PXYLP1: variants seen among roughly 807,000 people sequenced by gnomAD.
PXYLP1 encodes 2-phosphoxylose phosphatase 1.
Under a neutral mutation model 37.9 loss-of-function variants are expected in PXYLP1, and 17 were observed. That is an observed-to-expected ratio of 0.45 (90% CI 0.31 to 0.67). The LOEUF is 0.67. Among genes scored for constraint, PXYLP1 ranks in the 30% least tolerant of loss-of-function variants. The probability of loss-of-function intolerance (pLI) is 0.07; values close to 1 mark genes in which losing one functional copy is unlikely to be tolerated. For synonymous variants in PXYLP1, 221 were observed against 232.2 expected, an observed-to-expected ratio of 0.95 and a Z score of 0.44; for missense variants, 511 against 612.0, an observed-to-expected ratio of 0.84 and a Z score of 1.74.
intron 2 of PXYLP1, among the ~76,000 whole-genome samples, chr3:141,265,426 C>A (rs1941485047): frequency 6.6e-6 from 1 of 151,180 alleles, no homozygotes; most frequent in Non-Finnish European, 1.5e-5. Flanking sequence ...GCATCTTTAA[C>A]AAACTCCCTG....
chr3:141,243,056 G>C (rs1940850832), intron 1 of PXYLP1, among the ~76,000 whole-genome samples: 2 of 152,166 alleles, frequency 1.3e-5, no homozygotes, highest in African/African-American at 4.8e-5. Flanking sequence ...TAAAAGGCCT[G>C]GTCTCAGTGC....
intron 1 of PXYLP1, among the ~76,000 whole-genome samples, chr3:141,238,431 A>G (rs1576572637): frequency 6.6e-6 from 1 of 152,332 alleles, no homozygotes; most frequent in African/African-American, 2.4e-5. Flanking sequence ...TTGCTGCTTC[A>G]GGAACTCGAG....
chr3:141,249,143 T>C (rs1163367648), intron 1 of PXYLP1, among the ~76,000 whole-genome samples: 1 of 152,192 alleles, frequency 6.6e-6, no homozygotes, highest in East Asian at 1.9e-4. Flanking sequence ...GGATGTAAAG[T>C]TCATGCCCAC....
At chr3:141,271,214 C>G (rs1429846455) in intron 2 of PXYLP1, among the ~76,000 whole-genome samples, 2 of 152,150 alleles carry the variant, frequency 1.3e-5, no homozygotes, top group South Asian at 2.1e-4. Context: ...GATACTTGCC[C>G]CAGGTCACAC....
At position 141,278,430 on chromosome 3, in the gene PXYLP1, T is replaced by C; in HGVS notation, c.168T>C (p.Pro56=). ...TGCCCGACCCTGTGACGGAGCCCCCTGTGACAGACCCCGTTTATGAAGCTC... is the reference window on the plus strand; with the variant it reads ...TGCCCGACCCTGTGACGGAGCCCCCCGTGACAGACCCCGTTTATGAAGCTC... ...RIMPDPVTEP[P]VTDPVYEALL... Residue 56 remains proline (P), a synonymous_variant, in exon 3 of 6, where the codon CCT becomes CCC. Coordinates refer to ENST00000286353, the MANE Select transcript of PXYLP1 (RefSeq NM_001037172.3). The C allele has an allele frequency of 6.2e-7, 1 of 1,614,194 alleles. No homozygotes were observed. The highest frequency in any genetic ancestry group is 8.5e-7 in the Non-Finnish European group (1 of 1,180,020).
At chr3:141,237,451 C>G (rs1940687729) in intron 1 of PXYLP1, among the ~76,000 whole-genome samples, 2 of 152,206 alleles carry the variant, frequency 1.3e-5, no homozygotes, top group Admixed American at 1.3e-4. Context: ...TAAACCCTGG[C>G]TCTACCATTA....
intron 2 of PXYLP1, chr3:141,274,528 C>T (rs2148801919): frequency 2.1e-6 from 3 of 1,458,990 alleles, no homozygotes; most frequent in Non-Finnish European, 2.8e-6. Flanking sequence ...TGCCCCTCAC[C>T]CCAGACTGGT....
intron 2 of PXYLP1, among the ~76,000 whole-genome samples, chr3:141,266,286 C>A (rs993927078): frequency 6.6e-6 from 1 of 152,216 alleles, no homozygotes; most frequent in Non-Finnish European, 1.5e-5. Context: ...CCAGACTCTG[C>A]AGCAACCTGA....
chr3:141,260,809 A>G (rs1941377566), intron 2 of PXYLP1, among the ~76,000 whole-genome samples: 1 of 152,174 alleles, frequency 6.6e-6, no homozygotes, highest in Non-Finnish European at 1.5e-5. Context: ...CCAGGCCCCA[A>G]ATCTGTGCAC....
At chr3:141,248,867 G>GTATATATATACACACGTA (rs1941075143) in intron 1 of PXYLP1, among the ~76,000 whole-genome samples, 1 of 68,398 alleles carries the variant, frequency 1.5e-5, no homozygotes, top group Non-Finnish European at 3.0e-5. Context: ...ATATACACAC[G>GTATATATATACACACGTA]TATATATATA....
intron 4 of PXYLP1, among the ~76,000 whole-genome samples, chr3:141,284,206 A>G (rs891805897): frequency 3.3e-5 from 5 of 152,116 alleles, no homozygotes; most frequent in Admixed American, 6.5e-5. Context: ...TGTGCTAGTC[A>G]GCTCCACCTG....
chr3:141,252,904 T>C (rs1253111646), intron 1 of PXYLP1, among the ~76,000 whole-genome samples: 1 of 152,180 alleles, frequency 6.6e-6, no homozygotes, highest in Non-Finnish European at 1.5e-5. Context: ...GCCTCATGAC[T>C]ATTAGATATC....
At position 141,242,420 on chromosome 3, in the gene PXYLP1, AG is replaced by A. The variant is rs1164479150; in HGVS notation, c.-54+10512del. On this transcript the variant is annotated intron_variant, in intron 1 of 5. Coordinates refer to ENST00000286353, the MANE Select transcript of PXYLP1 (RefSeq NM_001037172.3). ...ACTTTCAGCACTGCCTGAGAAGGTA[AG>A]GGTTCTGATAACTGTGCTTTCTTTC... Among the ~76,000 whole-genome samples, 3 of 152,186 alleles carry A rather than the reference AG, an allele frequency of 2.0e-5. No homozygotes were observed. The East Asian group carries it at 5.8e-4, about 29-fold the overall frequency.
At chr3:141,268,611 C>T (rs1427480749) in intron 2 of PXYLP1, among the ~76,000 whole-genome samples, 1 of 152,192 alleles carries the variant, frequency 6.6e-6, no homozygotes, top group Non-Finnish European at 1.5e-5. Context: ...AGCAGCCCCA[C>T]CTCACAAGAG....
At chr3:141,264,260 G>A (rs1269705387) in intron 2 of PXYLP1, among the ~76,000 whole-genome samples, 1 of 152,130 alleles carries the variant, frequency 6.6e-6, no homozygotes, top group Non-Finnish European at 1.5e-5. Context: ...TGCAAGAGGA[G>A]GTGAACATGG....
chr3:141,289,883 TG>T, intron 5 of PXYLP1, among the ~76,000 whole-genome samples: 1 of 152,278 alleles, frequency 6.6e-6, no homozygotes, highest in Admixed American at 6.5e-5. Flanking sequence ...GAGAAGAGGC[TG>T]GGGGGTTGGC....
chr3:141,261,778 A>G (rs72982513), intron 2 of PXYLP1, among the ~76,000 whole-genome samples: 4,675 of 152,330 alleles, frequency 0.031, 232 homozygotes, highest in African/African-American at 0.099. Flanking sequence ...AATATTTTGT[A>G]AATGTCTGCT....
intron 1 of PXYLP1, among the ~76,000 whole-genome samples, chr3:141,238,846 T>C (rs1940721455): frequency 1.3e-5 from 2 of 152,154 alleles, no homozygotes; most frequent in Middle Eastern, 3.2e-3. Flanking sequence ...AGAGAAAACA[T>C]TTCCTATTCG....
chr3:141,273,101 C>T, intron 2 of PXYLP1: 1 of 985,472 alleles, frequency 1.0e-6, no homozygotes. Flanking sequence ...GCTATTTTCT[C>T]CTTATGGTCC....
Sources: allele counts gnomAD v4.1 joint callset (sites outside exome capture counted in the v4.1 genomes callset), GRCh38; gene constraint gnomAD v4.1.1; transcripts MANE v1.5; gene names NCBI Gene and HGNC (gene_info 2026-07-23, HGNC 2026-07-21).